Variants in WNT16 observed in about 807,000 individuals in gnomAD.
WNT16 encodes the protein protein Wnt-16.
In WNT16, 20 loss-of-function variants were observed where a neutral mutation model predicts 35.4. The ratio of observed to expected loss-of-function variants is 0.56; its 90% CI spans 0.40 to 0.82. The LOEUF (loss-of-function observed/expected upper bound fraction) is 0.82, where lower values mean the gene tolerates loss of function less well. Among genes scored for constraint, WNT16 ranks in the 40% least tolerant of loss-of-function variants. WNT16 has a pLI of 0.00. For synonymous variants in WNT16, 180 were observed against 179.2 expected, an observed-to-expected ratio of 1.00 and a Z score of -0.03; for missense variants, 461 against 466.0, an observed-to-expected ratio of 0.99 and a Z score of 0.10.
chr7:121,330,212 C>A (rs925778179), intron 2 of WNT16, among the ~76,000 whole-genome samples: 1 of 152,234 alleles, frequency 6.6e-6, no homozygotes, highest in Non-Finnish European at 1.5e-5. Context: ...TTTGATTTAA[C>A]CAACTCCGCT....
intron 3 of WNT16, among the ~76,000 whole-genome samples, chr7:121,333,219 G>A (rs1005023965): frequency 6.6e-6 from 1 of 151,928 alleles, no homozygotes; most frequent in East Asian, 1.9e-4. Context: ...AAAAGTATAT[G>A]TTGCGTTTGT....
Position 121,339,596 on chromosome 7 carries a change from T to C in WNT16, c.*251T>C. On this transcript the variant is annotated 3_prime_UTR_variant, in exon 4 of 4. Coordinates refer to ENST00000222462, the MANE Select transcript of WNT16 (RefSeq NM_057168.2). Reference sequence around the variant, plus strand: ...TCACCTTTTGATGATTTGGGGAATATATATTGACATACAAGGAAGATAATC... The same window carrying C: ...TCACCTTTTGATGATTTGGGGAATACATATTGACATACAAGGAAGATAATC... 1 of 491,604 alleles carries C rather than the reference T, an allele frequency of 2.0e-6. No homozygotes were observed. Among genetic ancestry groups the C allele is most frequent in the Non-Finnish European group, 3.6e-6 (1 of 279,030 alleles). The allele number at this position is 491,604 out of a possible 1,614,324, so 30.5% of individuals were successfully genotyped here. A position where few individuals can be genotyped will look rare whatever the true frequency, so the allele number is the denominator to read the frequency against.
chr7:121,329,322 C>T lies in WNT16; in HGVS notation c.30C>T (p.Ala10=), dbSNP rs1328406140. MDRAALLGL[A]RLCALWAALL... ...ACAGGGCGGCGCTCCTGGGACTGGC[C>T]CGCTTGTGCGCGCTGTGGGCAGCCC... Residue 10 remains alanine (A), a synonymous_variant, in exon 1 of 4, where the codon GCC becomes GCT. Transcript: ENST00000222462. 1 of 1,592,868 alleles carries T rather than the reference C, an allele frequency of 6.3e-7. No individual in the cohort carries two copies. The highest frequency in any genetic ancestry group is 2.3e-5 in the East Asian group (1 of 44,154).
At position 121,339,274 on chromosome 7, in the gene WNT16, A is replaced by C. The variant is rs766409939; in HGVS notation, c.1027A>C (p.Lys343Gln). The change falls in exon 4 of 4, where the codon AAG becomes CAG. Residue 343 changes from lysine to glutamine, a missense_variant. Physicochemically the swap from Lys to Gln is moderately conservative, Grantham distance 53. Transcript: ENST00000222462. The stretch of plus-strand genomic sequence containing the variant: ...CAGGCACGTGGAGAGGTGTGAGTGT[A>C]AGTTCATCTGGTGCTGCTATGTCCG... ...VVRHVERCECKFIWCCYVRCR... is the reference protein window; with the variant it reads ...VVRHVERCECQFIWCCYVRCR... 2.5e-6 allele frequency: 4 copies of C among 1,614,148 alleles called. No homozygotes were observed. Among genetic ancestry groups the C allele is most frequent in the Non-Finnish European group, 3.4e-6 (4 of 1,180,020 alleles).
Position 121,331,766 on chromosome 7 carries a change from AG to A in WNT16, c.436del (p.Glu146SerfsTer38). ...GGTCATGCAGTGCAGGCAACATGAC[AG>A]AGTGTTCCTGTGACACCACCTTGCA... Reference protein sequence around the residue: ...TRSCSAGNMTECSCDTTLQNG... With the variant: ...TRSCSAGNMTXCSCDTTLQNG... On this transcript the variant is annotated frameshift_variant, in exon 3 of 4. Transcript: ENST00000222462. LOFTEE classifies it high-confidence loss of function. The A allele has an allele frequency of 6.2e-7, 1 of 1,614,216 alleles. No individual in the cohort carries two copies. The highest frequency in any genetic ancestry group is 1.6e-4 in the Middle Eastern group (1 of 6,062).
At chr7:121,326,785 T>G (rs1453823779), upstream of WNT16, among the ~76,000 whole-genome samples, 2 of 152,242 alleles carry the variant, frequency 1.3e-5, no homozygotes, top group African/African-American at 2.4e-5. Context: ...ATATATGTTT[T>G]TGATTTTTTA....
intron 3 of WNT16, among the ~76,000 whole-genome samples, chr7:121,335,500 A>G (rs960617039): frequency 3.3e-5 from 5 of 152,106 alleles, no homozygotes; most frequent in Non-Finnish European, 7.4e-5. Context: ...CTCTGTTAAT[A>G]TCGTTATAAA....
intron 2 of WNT16, among the ~76,000 whole-genome samples, chr7:121,330,653 A>T (rs1051287774): frequency 8.2e-6 from 1 of 121,742 alleles, no homozygotes; most frequent in Admixed American, 1.1e-4. Flanking sequence ...CGAGCCGCGC[A>T]CCTCCCCCGC....
upstream of WNT16, chr7:121,325,410 G>GTAGC: frequency 6.2e-7 from 1 of 1,612,166 alleles, no homozygotes; most frequent in Non-Finnish European, 8.5e-7. Flanking sequence ...AGATGGAAAG[G>GTAGC]CACCCATGCA....
chr7:121,329,518 A>T (rs750898593), intron 1 of WNT16, 49 bp from the exon 2 acceptor site: 3 of 1,604,674 alleles, frequency 1.9e-6, no homozygotes, highest in African/African-American at 2.7e-5. Flanking sequence ...TTCGGAAAAC[A>T]TCTGGAATTG....
rs550615393 is a variant in WNT16, at chr7:121,329,443, C to T, written c.95+56C>T. On this transcript the variant is annotated intron_variant, in intron 1 of 3. Transcript: ENST00000222462. ...GTAGGTGGCAAAAGGGGTGCCCAAT[C>T]CTAGGGAACTTTCAACTGAGGCTGG... 4 of 1,592,194 alleles carry T rather than the reference C, an allele frequency of 2.5e-6. No homozygotes were observed. The Admixed American group carries it at 6.8e-5, about 27-fold the overall frequency.
chr7:121,330,257 C>G (rs1372202582), intron 2 of WNT16, among the ~76,000 whole-genome samples: 2 of 152,222 alleles, frequency 1.3e-5, no homozygotes, highest in South Asian at 2.1e-4. Context: ...CTAATTGCAG[C>G]GAAGCCCCAC....
upstream of WNT16, among the ~76,000 whole-genome samples, chr7:121,326,101 C>T: frequency 7.0e-6 from 1 of 142,490 alleles, no homozygotes. Flanking sequence ...TTTTGAGTAA[C>T]CTCGAGCAAG....
At chr7:121,332,766 C>T (rs1485760438) in intron 3 of WNT16, among the ~76,000 whole-genome samples, 1 of 151,942 alleles carries the variant, frequency 6.6e-6, no homozygotes, top group East Asian at 1.9e-4. Flanking sequence ...CATAAAGAAG[C>T]TATAGGTATA....
rs1473006475 is a variant in WNT16 at position 121,331,846 on chromosome 7, T to C, written c.515T>C (p.Val172Ala). ...CACTGGGGGGGCTGCTCCGATGATG[T>C]CCAGTATGGCATGTGGTTCAGCAGA... The part of the protein sequence containing the change: ...GWHWGGCSDD[V>A]QYGMWFSRKF... The change falls in exon 3 of 4, where the codon GTC (valine) becomes GCC (alanine). Residue 172 changes from valine to alanine, a missense_variant. Coordinates refer to ENST00000222462, the MANE Select transcript of WNT16 (RefSeq NM_057168.2). 1 of 1,614,102 alleles carries C rather than the reference T, an allele frequency of 6.2e-7. No individual in the cohort carries two copies. The highest frequency in any genetic ancestry group is 1.1e-5 in the South Asian group (1 of 91,074).
intron 2 of WNT16, among the ~76,000 whole-genome samples, chr7:121,330,593 C>T (rs1032979597): frequency 2.0e-5 from 3 of 152,040 alleles, no homozygotes; most frequent in Non-Finnish European, 2.9e-5. Flanking sequence ...CATTTCCGTT[C>T]CCCCTCCGCC....
chr7:121,329,212 A>G lies in WNT16; in HGVS notation c.-81A>G, dbSNP rs1793293801. ...GGCGAGGGATAACTTGGTGCTGGAC[A>G]ACTGACCTGCGGCCCGAAGGGCCTC... On this transcript the variant is annotated 5_prime_UTR_variant, in exon 1 of 4. Coordinates refer to ENST00000222462, the MANE Select transcript of WNT16 (RefSeq NM_057168.2). 1.4e-6 allele frequency: 2 copies of G among 1,456,402 alleles called. No individual in the cohort carries two copies. Among genetic ancestry groups the G allele is most frequent in the Non-Finnish European group, 1.8e-6 (2 of 1,106,824 alleles). 90.2% of individuals were successfully genotyped at this position (1,456,402 alleles called of 1,614,324 possible).
upstream of WNT16, among the ~76,000 whole-genome samples, chr7:121,328,110 T>C (rs1793271924): frequency 1.3e-5 from 2 of 152,356 alleles, no homozygotes; most frequent in Non-Finnish European, 2.9e-5. Flanking sequence ...TTTAAAAATG[T>C]GTCTTCCATG....
chr7:121,335,540 G>A (rs185965502), intron 3 of WNT16, among the ~76,000 whole-genome samples: 2 of 152,106 alleles, frequency 1.3e-5, no homozygotes, highest in Admixed American at 1.3e-4. Flanking sequence ...GTAGAGAAAG[G>A]AATTTTCTCA....
Sources: allele counts gnomAD v4.1 joint callset (sites outside exome capture counted in the v4.1 genomes callset), GRCh38; gene constraint gnomAD v4.1.1; transcripts MANE v1.5; gene names NCBI Gene and HGNC (gene_info 2026-07-23, HGNC 2026-07-21).